EED: variants seen among roughly 807,000 people sequenced by gnomAD.
The protein encoded by EED is embryonic ectoderm development.
Under a neutral mutation model 61.0 loss-of-function variants are expected in EED, and 9 were observed. That is an observed-to-expected ratio of 0.15 (90% CI 0.09 to 0.26). The LOEUF (loss-of-function observed/expected upper bound fraction) is 0.26. Among genes scored for constraint, EED ranks in the 10% least tolerant of loss-of-function variants. EED has a pLI of 1.00. For missense variants in EED, 315 were observed against 542.3 expected, an observed-to-expected ratio of 0.58 and a Z score of 4.16; for synonymous variants, 187 against 174.4, an observed-to-expected ratio of 1.07 and a Z score of -0.57.
At chr11:86,246,558 T>C (rs1176180418) in intron 1 of EED, among the ~76,000 whole-genome samples, 1 of 152,190 alleles carries the variant, frequency 6.6e-6, no homozygotes, top group Non-Finnish European at 1.5e-5. Flanking sequence ...ATTCTTGGGA[T>C]TGTCAGTTTG....
chr11:86,279,020 T>C (rs1403186290), downstream of EED, among the ~76,000 whole-genome samples: 1 of 152,232 alleles, frequency 6.6e-6, no homozygotes, highest in East Asian at 1.9e-4. Flanking sequence ...TGATTCGTTA[T>C]GTGTGAGACA....
At position 86,250,463 on chromosome 11, in the gene EED, A is replaced by AT; in HGVS notation, c.267+15_267+16insT. On this transcript the variant is annotated intron_variant, in intron 2 of 11. Coordinates refer to ENST00000263360, the MANE Select transcript of EED (RefSeq NM_003797.5). ...ATAGTCTCAAGGTATGTGCAAAAAA[A>AT]GATCCTTTGGGCTGAATGCTAGGCT... is the stretch of plus-strand genomic sequence containing the variant. 1.9e-6 allele frequency: 3 copies of AT among 1,558,570 alleles called. No individual in the cohort carries two copies. The highest frequency in any genetic ancestry group is 2.6e-6 in the Non-Finnish European group (3 of 1,154,600).
At position 86,245,243 on chromosome 11, in the gene EED, A is replaced by C. The variant is rs557688582; in HGVS notation, c.14A>C (p.Glu5Ala). 2 of 1,613,186 alleles carry C rather than the reference A, an allele frequency of 1.2e-6. No homozygotes were observed. Among genetic ancestry groups the C allele is most frequent in the South Asian group, 1.1e-5 (1 of 91,046 alleles). The change falls in exon 1 of 12, where the codon GAA (glutamate) becomes GCA (alanine). Residue 5 changes from glutamate to alanine, a missense_variant. This residue lies in a region of EED where 110 missense variants were observed against 86.9 expected (regional missense o/e 1.27). Coordinates refer to ENST00000263360, the MANE Select transcript of EED (RefSeq NM_003797.5). MSER[E>A]VSTAPAGTDM... ...AGGCGGAGGAATATGTCCGAGAGGG[A>C]AGTGTCGACTGCGCCGGCGGGAACA... is the stretch of plus-strand genomic sequence containing the variant.
At chr11:86,285,147 C>T in the EED span, among the ~76,000 whole-genome samples, 13 of 152,008 alleles carry the variant, frequency 8.6e-5, no homozygotes, top group South Asian at 2.1e-4. Flanking sequence ...AGGCTGGGCA[C>T]GGTGGTTCAT....
chr11:86,274,140 A>G (rs1946177868), intron 9 of EED, among the ~76,000 whole-genome samples: 1 of 134,170 alleles, frequency 7.5e-6, no homozygotes, highest in Non-Finnish European at 1.6e-5. Flanking sequence ...TTTCTATTGT[A>G]CTGTCTTTAA....
At chr11:86,262,730 C>T (rs894837087) in intron 6 of EED, among the ~76,000 whole-genome samples, 1 of 151,350 alleles carries the variant, frequency 6.6e-6, no homozygotes, top group Non-Finnish European at 1.5e-5. Flanking sequence ...AGGCTAGTCT[C>T]GAATTCCTGA....
rs533654138 is a variant in EED, at chr11:86,262,540, A to C, written c.635-1632A>C. On this transcript the variant is annotated intron_variant, in intron 6 of 11. Coordinates refer to ENST00000263360, the MANE Select transcript of EED (RefSeq NM_003797.5). ...GCAGTGGCACAACCTCTGCTCCCTC[A>C]CACCCTCTCCTTCCCTTTTGCTGTG... Among the ~76,000 whole-genome samples, 11 of 151,296 alleles carry C rather than the reference A, an allele frequency of 7.3e-5. No individual in the cohort carries two copies. In the South Asian group the frequency reaches 2.3e-3, roughly 32 times the overall value.
chr11:86,286,088 T>TG, the EED span, among the ~76,000 whole-genome samples: 1 of 151,848 alleles, frequency 6.6e-6, no homozygotes, highest in East Asian at 1.9e-4. Flanking sequence ...TGGAATGCAG[T>TG]GGTGCAATCT....
At chr11:86,277,573 A>G (rs1178629649) in intron 10 of EED, 1 of 185,986 alleles carries the variant, frequency 5.4e-6, no homozygotes, top group Non-Finnish European at 1.1e-5. Flanking sequence ...GTAACAAATT[A>G]CTTGGGTATT....
chr11:86,268,340 G>C, intron 8 of EED, 116 bp from the exon 9 acceptor site: 1 of 598,830 alleles, frequency 1.7e-6, no homozygotes, highest in Non-Finnish European at 2.9e-6. Context: ...GGAACACAGA[G>C]GAATTAATAG....
rs1945505632 is a variant in EED at position 86,250,558 on chromosome 11, GT to G, written c.267+112del. 8.9e-6 allele frequency: 11 copies of G among 1,231,820 alleles called. No individual in the cohort carries two copies. In the East Asian group the frequency reaches 3.3e-4, roughly 37 times the overall value. 76.3% of individuals were successfully genotyped at this position (1,231,820 alleles called of 1,614,324 possible). A position where few individuals can be genotyped will look rare whatever the true frequency, so the allele number is the denominator to read the frequency against. Reference sequence around the variant, plus strand: ...TCTGTCAAGTTGTAAATATTTTAAAGTTACAATGTTTTCTGAAGGGTTTTTT... The same window carrying G: ...TCTGTCAAGTTGTAAATATTTTAAAGTACAATGTTTTCTGAAGGGTTTTTT... On this transcript the variant is annotated intron_variant, in intron 2 of 11. Coordinates refer to ENST00000263360, the MANE Select transcript of EED (RefSeq NM_003797.5).
At chr11:86,266,350 C>T (rs1030420202) in intron 8 of EED, 134 bp downstream of exon 8, 8 of 731,806 alleles carry the variant, frequency 1.1e-5, no homozygotes, top group Non-Finnish European at 1.6e-5. Flanking sequence ...GGACAATTTA[C>T]ATACTGTAAA....
At position 86,270,198 on chromosome 11, in the gene EED, T is replaced by C. The variant is rs754416054; in HGVS notation, c.966+1637T>C. 8 of 677,050 alleles carry C rather than the reference T, an allele frequency of 1.2e-5. 1 individual carries two copies. The highest frequency in any genetic ancestry group is 9.4e-5 in the South Asian group (6 of 63,642). 41.9% of individuals were successfully genotyped at this position (677,050 alleles called of 1,614,324 possible). A position where few individuals can be genotyped will look rare whatever the true frequency, so the allele number is the denominator to read the frequency against. ...TTTATTTTAGCTGTTCTGATAGGTG[T>C]GTAGTGATATCTCATCGTGGTCTTA... On this transcript the variant is annotated intron_variant, in intron 9 of 11. Coordinates refer to ENST00000263360, the MANE Select transcript of EED (RefSeq NM_003797.5).
chr11:86,271,179 C>T (rs1293577829), intron 9 of EED, among the ~76,000 whole-genome samples: 1 of 152,086 alleles, frequency 6.6e-6, no homozygotes, highest in Non-Finnish European at 1.5e-5. Context: ...TATGTCTCTT[C>T]ATTTATTTAC....
intron 1 of EED, among the ~76,000 whole-genome samples, chr11:86,249,330 A>G (rs1945467470): frequency 6.6e-6 from 1 of 152,078 alleles, no homozygotes; most frequent in Non-Finnish European, 1.5e-5. Flanking sequence ...CAATAATTTA[A>G]AAATAGCCCC....
In EED at chr11:86,255,396, A is replaced by C; in HGVS notation, c.426+109A>C. ...TTCCCTAAAGTTATTGTTCTTTCTTAACCGATTTCTTCACTATCACCCAAG... is the reference window on the plus strand; with the variant it reads ...TTCCCTAAAGTTATTGTTCTTTCTTCACCGATTTCTTCACTATCACCCAAG... On this transcript the variant is annotated intron_variant, in intron 4 of 11. Transcript: ENST00000263360. 6 of 887,934 alleles carry C rather than the reference A, an allele frequency of 6.8e-6. No individual in the cohort carries two copies. In the South Asian group the frequency reaches 1.1e-4, roughly 17 times the overall value. The allele number at this position is 887,934 out of a possible 1,614,324, so 55.0% of individuals were successfully genotyped here.
At chr11:86,270,733 C>G (rs767237339) in intron 9 of EED, among the ~76,000 whole-genome samples, 7 of 152,144 alleles carry the variant, frequency 4.6e-5, no homozygotes, top group Non-Finnish European at 8.8e-5. Context: ...TCATTTTTCT[C>G]TTATAGATAC....
chr11:86,269,897 A>G (rs1017390392), intron 9 of EED, among the ~76,000 whole-genome samples: 2 of 152,108 alleles, frequency 1.3e-5, no homozygotes, highest in Non-Finnish European at 2.9e-5. Flanking sequence ...GTAACTATCT[A>G]TGGTAGGAGG....
At chr11:86,265,199 C>T (rs1235629135) in intron 7 of EED, 1 of 152,148 alleles carries the variant, frequency 6.6e-6, no homozygotes, top group Non-Finnish European at 1.5e-5. Context: ...ACTGTGAATT[C>T]AATAAACATC....
Sources: gnomAD v4.1 joint callset for allele counts (sites outside exome capture counted in the v4.1 genomes callset) on GRCh38, gnomAD v4.1.1 for gene constraint, gnomAD v4.1.1 regional missense constraint, MANE v1.5 for transcripts, NCBI Gene and HGNC (gene_info 2026-07-23, HGNC 2026-07-21) for gene names.